Variants in EFCAB8 observed in about 807,000 individuals in gnomAD.
EFCAB8 encodes the protein EF-hand calcium-binding domain-containing protein 8.
A neutral mutation model predicts 116.3 loss-of-function variants in EFCAB8; 100 were observed. The ratio of observed to expected loss-of-function variants is 0.86; its 90% CI spans 0.73 to 1.02. The LOEUF is 1.02. EFCAB8 is among the 50% of genes least tolerant of loss of function. The pLI, the probability that EFCAB8 is intolerant of heterozygous loss-of-function variation, is 0.00. For synonymous variants in EFCAB8, 558 were observed against 567.9 expected (o/e 0.98, Z 0.25); for missense variants, 1,320 against 1,416.9 (o/e 0.93, Z 1.10).
intron 6 of EFCAB8, among the ~76,000 whole-genome samples, chr20:32,889,052 T>C (rs1180385733): frequency 6.6e-6 from 1 of 152,126 alleles, no homozygotes; most frequent in African/African-American, 2.4e-5. Flanking sequence ...TTGATAGAAC[T>C]GTGAGACTGC....
chr20:32,943,889 A>G (rs905104202), intron 23 of EFCAB8, 85 bp downstream of exon 23: 1 of 412,642 alleles, frequency 2.4e-6, no homozygotes, highest in Admixed American at 4.4e-5. Context: ...TGAACTTTGT[A>G]CTCTGTGGGG....
intron 5 of EFCAB8, 93 bp from the exon 6 acceptor site, chr20:32,885,412 C>G: frequency 6.7e-7 from 1 of 1,498,704 alleles, no homozygotes; most frequent in Non-Finnish European, 9.0e-7. Flanking sequence ...CGGCTTTTGT[C>G]CCTCCTCCTC....
chr20:32,952,236 G>A (rs1988821001), intron 23 of EFCAB8, among the ~76,000 whole-genome samples: 1 of 152,084 alleles, frequency 6.6e-6, no homozygotes, highest in Non-Finnish European at 1.5e-5. Context: ...CTGCACTACA[G>A]CCTGGGCAAC....
chr20:32,912,734 G>A, intron 16 of EFCAB8, 60 bp from the exon 17 acceptor site: 2 of 715,264 alleles, frequency 2.8e-6, no homozygotes, highest in Middle Eastern at 2.3e-4. Context: ...AAGACATTTA[G>A]GGCCCAGAGC....
intron 23 of EFCAB8, among the ~76,000 whole-genome samples, chr20:32,948,407 G>A (rs1271607187): frequency 6.6e-6 from 1 of 151,944 alleles, no homozygotes; most frequent in Non-Finnish European, 1.5e-5. Flanking sequence ...ATTTGAAGGG[G>A]AAATAATATA....
At chr20:32,957,963 A>C (rs1166800443) in intron 23 of EFCAB8, among the ~76,000 whole-genome samples, 1 of 151,924 alleles carries the variant, frequency 6.6e-6, no homozygotes, top group Non-Finnish European at 1.5e-5. Context: ...AGAATGGCCT[A>C]CTACTCACTA....
intron 20 of EFCAB8, among the ~76,000 whole-genome samples, chr20:32,923,748 GCATCTCTT>G (rs1274138600): frequency 6.6e-6 from 1 of 152,102 alleles, no homozygotes; most frequent in Non-Finnish European, 1.5e-5. Flanking sequence ...CTCCTCACGG[GCATCTCTT>G]CATGACGGTG....
intron 17 of EFCAB8, among the ~76,000 whole-genome samples, chr20:32,915,478 G>A (rs982255527): frequency 1.3e-5 from 2 of 152,136 alleles, no homozygotes; most frequent in African/African-American, 2.4e-5. Flanking sequence ...GACTTCACCA[G>A]AATGGTCTTT....
At position 32,909,955 on chromosome 20, in the gene EFCAB8, T is replaced by C. The variant is rs1986842559; in HGVS notation, c.1557+24T>C. 3.3e-6 allele frequency: 4 copies of C among 1,214,738 alleles called. No individual in the cohort carries two copies. In the East Asian group the frequency reaches 1.3e-4, roughly 39 times the overall value. 75.2% of individuals were successfully genotyped at this position (1,214,738 alleles called of 1,614,324 possible). Reference sequence around the variant, plus strand: ...AGGTGAGTGGCCCAGGGCTCGCCTCTGAGGCTGGCGGGAACACCAGGTGAC... The same window carrying C: ...AGGTGAGTGGCCCAGGGCTCGCCTCCGAGGCTGGCGGGAACACCAGGTGAC... On this transcript the variant is annotated intron_variant, in intron 15 of 26. Transcript: ENST00000400522.
chr20:32,895,508 A>AT (rs571840152), intron 9 of EFCAB8, among the ~76,000 whole-genome samples: 25 of 139,866 alleles, frequency 1.8e-4, no homozygotes, highest in Admixed American at 4.2e-4. Flanking sequence ...TATTTTTTTG[A>AT]TTTTTTTTTG....
At chr20:32,960,876 G>T (rs772458128) in intron 26 of EFCAB8, among the ~76,000 whole-genome samples, 18 of 152,212 alleles carry the variant, frequency 1.2e-4, no homozygotes, top group Non-Finnish European at 2.1e-4. Context: ...TCAGAAGCGG[G>T]CAGTCTGCTC....
At chr20:32,923,690 A>C (rs2146264983) in intron 20 of EFCAB8, among the ~76,000 whole-genome samples, 1 of 152,306 alleles carries the variant, frequency 6.6e-6, no homozygotes, top group Middle Eastern at 3.4e-3. Context: ...TTCACTGGAT[A>C]ATATCATATT....
At chr20:32,889,504 A>G in intron 7 of EFCAB8, 98 bp downstream of exon 7, 1 of 1,225,290 alleles carries the variant, frequency 8.2e-7, no homozygotes, top group Non-Finnish European at 1.2e-6. Context: ...GTGAACATGG[A>G]TCAGAGCCCC....
chr20:32,940,385 G>C (rs1172715137), intron 22 of EFCAB8, among the ~76,000 whole-genome samples: 1 of 149,494 alleles, frequency 6.7e-6, no homozygotes, highest in African/African-American at 2.5e-5. Context: ...ATCTGTATTA[G>C]AAGAATGAAG....
chr20:32,893,840 A>T (rs188527946), intron 9 of EFCAB8, among the ~76,000 whole-genome samples: 19 of 152,172 alleles, frequency 1.2e-4, no homozygotes, highest in Admixed American at 1.2e-3. Context: ...CACCTCCCAT[A>T]ATCCGCCCCT....
In EFCAB8 at chr20:32,878,594, T is replaced by G. The variant is rs1985129862; in HGVS notation, c.328-110T>G. On this transcript the variant is annotated intron_variant, in intron 4 of 26. Transcript: ENST00000400522. ...CTGCAGTGGCGCAATCTCGGCTCAC[T>G]GCAAGCTCCGCTTCCCGGGTTCACG... 5 of 724,326 alleles carry G rather than the reference T, an allele frequency of 6.9e-6. No individual in the cohort carries two copies. In the Admixed American group the frequency reaches 7.0e-5, roughly 10 times the overall value. The allele number at this position is 724,326 out of a possible 1,614,324, so 44.9% of individuals were successfully genotyped here.
rs971615018 is a variant in EFCAB8 at position 32,959,801 on chromosome 20, C to T, written c.3113C>T (p.Ala1038Val). ...ELQEQRDLAE[A>V]LIYQRREQAA... ...AGGGAGCAGCGGGATCTGGCTGAGG[C>T]CCTGATATACCAGCGGCGAGAGCAG... The change falls in exon 25 of 27, where the codon GCC becomes GTC. Residue 1038 changes from alanine to valine, a missense_variant. Physicochemically the swap from Ala to Val is moderately conservative, Grantham distance 64. Coordinates refer to ENST00000400522, the MANE Select transcript of EFCAB8 (RefSeq NM_001143967.2). The T allele has an allele frequency of 5.3e-6, 8 of 1,515,674 alleles. No homozygotes were observed. The highest frequency in any genetic ancestry group is 2.8e-5 in the African/African-American group (2 of 72,254). 93.9% of individuals were successfully genotyped at this position (1,515,674 alleles called of 1,614,324 possible). A position where few individuals can be genotyped will look rare whatever the true frequency, so the allele number is the denominator to read the frequency against.
intron 7 of EFCAB8, among the ~76,000 whole-genome samples, chr20:32,891,743 C>T (rs1011263105): frequency 1.3e-5 from 2 of 151,986 alleles, no homozygotes; most frequent in Non-Finnish European, 2.9e-5. Flanking sequence ...GAGAGGCTGC[C>T]GTTCAGATGC....
At chr20:32,913,580 T>C (rs1600417937) in intron 17 of EFCAB8, among the ~76,000 whole-genome samples, 1 of 152,342 alleles carries the variant, frequency 6.6e-6, no homozygotes, top group South Asian at 2.1e-4. Flanking sequence ...AGTCTTAACT[T>C]GTTCCAGTAT....
Sources: gnomAD v4.1 joint callset for allele counts (sites outside exome capture counted in the v4.1 genomes callset) on GRCh38, gnomAD v4.1.1 for gene constraint, MANE v1.5 for transcripts, NCBI Gene and HGNC (gene_info 2026-07-23, HGNC 2026-07-21) for gene names.